The following PAIP1 variants were observed in gnomAD, a reference collection of about 807,000 sequenced individuals.
PAIP1 encodes poly(A) binding protein interacting protein 1.
Under a neutral mutation model 61.3 loss-of-function variants are expected in PAIP1, and 16 were observed. That is an observed-to-expected ratio of 0.26 (90% CI 0.18 to 0.40). The LOEUF is 0.40. Ranked by LOEUF, PAIP1 falls within the 10% of genes least tolerant of loss-of-function variation. The pLI, the probability that PAIP1 is intolerant of heterozygous loss-of-function variation, is 1.00. For synonymous variants in PAIP1, 187 were observed against 226.2 expected (o/e 0.83, Z 1.56); for missense variants, 416 against 600.9 (o/e 0.69, Z 3.22).
chr5:43,550,427 AC>A (rs1445168911), intron 2 of PAIP1, among the ~76,000 whole-genome samples: 3 of 152,172 alleles, frequency 2.0e-5, no homozygotes, highest in African/African-American at 7.2e-5. Context: ...ATGTATTCAT[AC>A]ATAAAGGGAC....
At chr5:43,538,617 A>G (rs1747252808) in intron 5 of PAIP1, among the ~76,000 whole-genome samples, 1 of 152,218 alleles carries the variant, frequency 6.6e-6, no homozygotes, top group African/African-American at 2.4e-5. Flanking sequence ...TATAAGATGT[A>G]AGAACTCAAA....
intron 1 of PAIP1, chr5:43,556,246 G>A: frequency 3.1e-6 from 4 of 1,280,886 alleles, no homozygotes; most frequent in East Asian, 3.1e-5. Context: ...CCTCTCTGTC[G>A]TTTTAAAGGG....
rs942271446 is a variant in PAIP1, at chr5:43,556,336, G to A, written c.265+246C>T. The A allele has an allele frequency of 8.1e-6, 10 of 1,235,156 alleles. No individual in the cohort carries two copies. The South Asian group carries it at 1.6e-4, about 20-fold the overall frequency. 76.5% of individuals were successfully genotyped at this position (1,235,156 alleles called of 1,614,324 possible). ...GGGGAGGCGATTTTTACTTCCTCCC[G>A]GGACCCCGAACTCCGAGACCGCGCA... On this transcript the variant is annotated intron_variant, in intron 1 of 10. Transcript: ENST00000306846.
intron 6 of PAIP1, among the ~76,000 whole-genome samples, chr5:43,535,889 T>C (rs6891363): frequency 0.49 from 73,816 of 151,906 alleles, 18,799 homozygotes; most frequent in Middle Eastern, 0.63. Flanking sequence ...CAACGACTGT[T>C]ATATTCCCTG....
At chr5:43,541,967 A>C (rs1163038269) in intron 4 of PAIP1, among the ~76,000 whole-genome samples, 3 of 151,610 alleles carry the variant, frequency 2.0e-5, no homozygotes, top group Non-Finnish European at 4.4e-5. Flanking sequence ...ACTTGAGGTC[A>C]GGAGTTCGAG....
At chr5:43,540,424 G>A (rs576113900) in intron 4 of PAIP1, among the ~76,000 whole-genome samples, 195 of 152,220 alleles carry the variant, frequency 1.3e-3, no homozygotes, top group Non-Finnish European at 1.7e-3. Context: ...CAGACTGTAC[G>A]TTAGGATATG....
At position 43,556,847 on chromosome 5, in the gene PAIP1, GCTC is replaced by G. The variant is rs750311430; in HGVS notation, c.-4_-2del. ...GGGCCCGATCGAAACCGTCCGACATGCTCCTCCTCCTCCGCCTCCTCCTCCAGG... is the reference window on the plus strand; with the variant it reads ...GGGCCCGATCGAAACCGTCCGACATGCTCCTCCTCCGCCTCCTCCTCCAGG... On this transcript the variant is annotated 5_prime_UTR_variant, in exon 1 of 11. Transcript: ENST00000306846. 56 of 1,432,024 alleles carry G rather than the reference GCTC, an allele frequency of 3.9e-5. No individual in the cohort carries two copies. The highest frequency in any genetic ancestry group is 2.1e-4 in the Middle Eastern group (1 of 4,658). The allele number at this position is 1,432,024 out of a possible 1,614,324, so 88.7% of individuals were successfully genotyped here. A position where few individuals can be genotyped will look rare whatever the true frequency, so the allele number is the denominator to read the frequency against.
At position 43,555,804 on chromosome 5, in the gene PAIP1, A is replaced by C. The variant is rs1431062307; in HGVS notation, c.435+26T>G. ...ACATTATTCCAGTAAATTAACCCAG[A>C]GTTGTAGGAAAAAGGGTGTACTTAC... is the stretch of plus-strand genomic sequence containing the variant. On this transcript the variant is annotated intron_variant, in intron 2 of 10. Transcript: ENST00000306846. 1.9e-6 allele frequency: 3 copies of C among 1,565,120 alleles called. No individual in the cohort carries two copies. The South Asian group carries it at 3.5e-5, about 18-fold the overall frequency.
At position 43,535,427 on chromosome 5, in the gene PAIP1, T is replaced by C. The variant is rs957102806; in HGVS notation, c.1079+107A>G. 9 of 685,936 alleles carry C rather than the reference T, an allele frequency of 1.3e-5. No individual in the cohort carries two copies. In the Admixed American group the frequency reaches 2.4e-4, roughly 18 times the overall value. 42.5% of individuals were successfully genotyped at this position (685,936 alleles called of 1,614,324 possible). On this transcript the variant is annotated intron_variant, in intron 7 of 10. Coordinates refer to ENST00000306846, the MANE Select transcript of PAIP1 (RefSeq NM_006451.5). Reference sequence around the variant, plus strand: ...AAAGAAAAGCATTTTTGTATATCCGTTAGCCATCAACTTACCCTGCTGAAG... The same window carrying C: ...AAAGAAAAGCATTTTTGTATATCCGCTAGCCATCAACTTACCCTGCTGAAG...
intron 3 of PAIP1, 93 bp downstream of exon 3, chr5:43,547,634 TG>T: frequency 1.4e-6 from 1 of 728,414 alleles, no homozygotes. Flanking sequence ...TGGAGGCAGG[TG>T]ATCATGAATC....
intron 9 of PAIP1, among the ~76,000 whole-genome samples, chr5:43,531,698 T>C (rs944875518): frequency 5.0e-5 from 6 of 120,940 alleles, no homozygotes; most frequent in Non-Finnish European, 9.5e-5. Flanking sequence ...GAAAAGTGTG[T>C]GGAAAGAGCA....
intron 9 of PAIP1, among the ~76,000 whole-genome samples, chr5:43,530,804 T>C (rs1381484873): frequency 1.3e-5 from 2 of 152,066 alleles, no homozygotes; most frequent in Non-Finnish European, 2.9e-5. Context: ...GAAAGCCATA[T>C]ATAAACTGCA....
chr5:43,531,952 A>G (rs1746960482), intron 9 of PAIP1, among the ~76,000 whole-genome samples: 1 of 152,126 alleles, frequency 6.6e-6, no homozygotes, highest in Non-Finnish European at 1.5e-5. Flanking sequence ...AATAACTTGA[A>G]ACTCTGAGAA....
chr5:43,557,153 C>T (rs1748133412), upstream of PAIP1: 1 of 300,184 alleles, frequency 3.3e-6, no homozygotes, highest in South Asian at 1.5e-4. Flanking sequence ...CCCCTGCGGC[C>T]CGGAGGCCCG....
intron 3 of PAIP1, among the ~76,000 whole-genome samples, chr5:43,543,799 A>ATTCT (rs1747519396): frequency 1.3e-5 from 2 of 152,192 alleles, no homozygotes. Flanking sequence ...TCTAAAGAAT[A>ATTCT]GTAGAGAACA....
intron 3 of PAIP1, among the ~76,000 whole-genome samples, chr5:43,547,012 C>T (rs923287024): frequency 8.2e-6 from 1 of 122,298 alleles, no homozygotes; most frequent in African/African-American, 3.2e-5. Context: ...CACTGCACTC[C>T]AGCCTGGGAG....
chr5:43,556,091 T>A (rs1748051943), intron 1 of PAIP1, 92 bp from the exon 2 acceptor site: 1 of 1,485,956 alleles, frequency 6.7e-7, no homozygotes, highest in Non-Finnish European at 9.0e-7. Context: ...AAAGCGTCTG[T>A]TTTTAAGAGT....
chr5:43,545,086 CTT>C (rs1278933896), intron 3 of PAIP1, among the ~76,000 whole-genome samples: 1 of 152,208 alleles, frequency 6.6e-6, no homozygotes, highest in Non-Finnish European at 1.5e-5. Flanking sequence ...TTTTGCACAA[CTT>C]TGTCTTCCCT....
intron 6 of PAIP1, 21 bp from the exon 7 acceptor site, chr5:43,535,661 A>C (rs1747115346): frequency 7.8e-7 from 1 of 1,286,824 alleles, no homozygotes. Flanking sequence ...AGGTGTCAGT[A>C]AAATAAGAAA....
Sources: gnomAD v4.1 joint callset for allele counts (sites outside exome capture counted in the v4.1 genomes callset) on GRCh38, gnomAD v4.1.1 for gene constraint, MANE v1.5 for transcripts, NCBI Gene and HGNC (gene_info 2026-07-23, HGNC 2026-07-21) for gene names.